Variants in NAA16 observed in about 807,000 individuals in gnomAD.
The protein encoded by NAA16 is NARG1-like protein.
A neutral mutation model predicts 110.3 loss-of-function variants in NAA16; 97 were observed. The observed-to-expected ratio is 0.88, with a 90% CI of 0.75 to 1.04. NAA16 has a LOEUF of 1.04. Ranked by LOEUF, NAA16 falls within the 50% of genes least tolerant of loss-of-function variation. The pLI is 0.00. For synonymous variants in NAA16, 372 were observed against 330.6 expected, an observed-to-expected ratio of 1.13 and a Z score of -1.36; for missense variants, 1,017 against 1,005.1, an observed-to-expected ratio of 1.01 and a Z score of -0.16.
In NAA16 at chr13:41,372,166, T is replaced by A. The variant is rs898161145; in HGVS notation, c.1948-37T>A. The A allele has an allele frequency of 6.9e-6, 10 of 1,451,402 alleles. No homozygotes were observed. The African/African-American group carries it at 1.3e-4, about 19-fold the overall frequency. 89.9% of individuals were successfully genotyped at this position (1,451,402 alleles called of 1,614,324 possible). On this transcript the variant is annotated intron_variant, in intron 15 of 19. Coordinates refer to ENST00000379406, the MANE Select transcript of NAA16 (RefSeq NM_024561.5). ...TTAGGGGAAATTTGACTTGTTCTGA[T>A]GTTTTTTAAATAATTTTCCTTTCTG... is the stretch of plus-strand genomic sequence containing the variant.
At chr13:41,348,727 T>C (rs1438325310) in intron 9 of NAA16, among the ~76,000 whole-genome samples, 1 of 152,186 alleles carries the variant, frequency 6.6e-6, no homozygotes, top group Non-Finnish European at 1.5e-5. Flanking sequence ...GGTATTATTA[T>C]TTCTTTAAAT....
chr13:41,354,137 C>T (rs1385237736), intron 9 of NAA16, among the ~76,000 whole-genome samples: 1 of 152,034 alleles, frequency 6.6e-6, no homozygotes, highest in Non-Finnish European at 1.5e-5. Context: ...CCACATTGTC[C>T]ATTGAACTTT....
intron 9 of NAA16, among the ~76,000 whole-genome samples, chr13:41,349,168 AT>A (rs1043167715): frequency 2.0e-5 from 3 of 149,728 alleles, no homozygotes; most frequent in South Asian, 2.1e-4. Flanking sequence ...CTTTTTTCTA[AT>A]TTTTTTTTCT....
intron 9 of NAA16, among the ~76,000 whole-genome samples, chr13:41,347,656 G>A (rs975666835): frequency 2.0e-5 from 3 of 152,058 alleles, no homozygotes; most frequent in Admixed American, 2.0e-4. Flanking sequence ...TTCTTTGCTA[G>A]TATATGGAAA....
At chr13:41,323,448 T>G (rs1328300779) in intron 5 of NAA16, among the ~76,000 whole-genome samples, 1 of 151,354 alleles carries the variant, frequency 6.6e-6, no homozygotes, top group Non-Finnish European at 1.5e-5. Flanking sequence ...CCTCCCGGGT[T>G]CAAGCCATTC....
At chr13:41,335,161 G>A (rs9594523) in intron 8 of NAA16, among the ~76,000 whole-genome samples, 4,411 of 152,184 alleles carry the variant, frequency 0.029, 200 homozygotes, top group African/African-American at 0.098. Context: ...TTTCCTCAGC[G>A]GGTGATTGCA....
intron 13 of NAA16, among the ~76,000 whole-genome samples, chr13:41,364,982 T>A (rs1358958515): frequency 1.3e-5 from 2 of 152,104 alleles, no homozygotes; most frequent in Non-Finnish European, 2.9e-5. Flanking sequence ...CTTAAAAAAA[T>A]AAAAACACTA....
At chr13:41,345,006 T>G (rs1031478403) in intron 9 of NAA16, among the ~76,000 whole-genome samples, 1 of 152,264 alleles carries the variant, frequency 6.6e-6, no homozygotes, top group Non-Finnish European at 1.5e-5. Context: ...TGGGTCTGGC[T>G]TCTTTTACTT....
At chr13:41,320,852 G>A in intron 4 of NAA16, 28 bp downstream of exon 4, 1 of 1,557,442 alleles carries the variant, frequency 6.4e-7, no homozygotes, top group Non-Finnish European at 8.7e-7. Flanking sequence ...AAATGTACAT[G>A]ATTTTACAGT....
At chr13:41,314,228 C>T (rs1380275693) in intron 1 of NAA16, among the ~76,000 whole-genome samples, 1 of 152,104 alleles carries the variant, frequency 6.6e-6, no homozygotes, top group Admixed American at 6.5e-5. Context: ...ATAGTAAATG[C>T]TTCCAATAGG....
intron 9 of NAA16, among the ~76,000 whole-genome samples, chr13:41,342,176 C>A (rs1021077426): frequency 4.6e-5 from 7 of 151,338 alleles, no homozygotes; most frequent in Non-Finnish European, 1.0e-4. Context: ...CTTGCTCTGC[C>A]GCCCAGGCTG....
chr13:41,370,543 TG>T (rs1370512699), intron 15 of NAA16, among the ~76,000 whole-genome samples: 2 of 152,358 alleles, frequency 1.3e-5, no homozygotes, highest in African/African-American at 4.8e-5. Context: ...AAATAACAGC[TG>T]CCAGTCTTTC....
intron 8 of NAA16, among the ~76,000 whole-genome samples, chr13:41,334,312 T>A (rs2042320798): frequency 6.6e-6 from 1 of 152,100 alleles, no homozygotes; most frequent in African/African-American, 2.4e-5. Flanking sequence ...ACTCTAAAAA[T>A]AATGAAGGGA....
At chr13:41,373,835 A>C in intron 18 of NAA16, 55 bp downstream of exon 18, 1 of 1,530,316 alleles carries the variant, frequency 6.5e-7, no homozygotes, top group African/African-American at 1.4e-5. Context: ...AACAAAGAGA[A>C]AGCTTTGACA....
chr13:41,361,404 G>A (rs563758185), intron 12 of NAA16, among the ~76,000 whole-genome samples: 1 of 152,294 alleles, frequency 6.6e-6, no homozygotes, highest in South Asian at 2.1e-4. Flanking sequence ...CTGAATATAC[G>A]TAACAGTGAC....
At chr13:41,343,729 C>T (rs1284111165) in intron 9 of NAA16, among the ~76,000 whole-genome samples, 2 of 152,120 alleles carry the variant, frequency 1.3e-5, no homozygotes, top group African/African-American at 2.4e-5. Flanking sequence ...TTAGTAGAGA[C>T]GGGGTTTTAC....
intron 9 of NAA16, among the ~76,000 whole-genome samples, chr13:41,345,312 A>T (rs757558346): frequency 3.9e-5 from 6 of 152,246 alleles, no homozygotes. Flanking sequence ...CACAAGCAGT[A>T]TATGAGGGTT....
At chr13:41,370,817 A>T (rs2043301417) in intron 15 of NAA16, among the ~76,000 whole-genome samples, 1 of 152,182 alleles carries the variant, frequency 6.6e-6, no homozygotes, top group African/African-American at 2.4e-5. Context: ...AAGGCTCATT[A>T]TGCCTGGTAC....
intron 8 of NAA16, among the ~76,000 whole-genome samples, chr13:41,334,028 C>T (rs1314211685): frequency 1.3e-5 from 2 of 151,966 alleles, no homozygotes; most frequent in Non-Finnish European, 2.9e-5. Flanking sequence ...ATTTACAAAG[C>T]TCCAGTGAAT....
Sources: allele counts gnomAD v4.1 joint callset (sites outside exome capture counted in the v4.1 genomes callset), GRCh38; gene constraint gnomAD v4.1.1; transcripts MANE v1.5; gene names NCBI Gene and HGNC (gene_info 2026-07-23, HGNC 2026-07-21).